C6orf132: variants seen among roughly 807,000 people sequenced by gnomAD.
The protein encoded by C6orf132 is chromosome 6 open reading frame 132.
Under a neutral mutation model 65.3 loss-of-function variants are expected in C6orf132, and 43 were observed. The ratio of observed to expected loss-of-function variants is 0.66; its 90% CI spans 0.52 to 0.85. C6orf132 has a LOEUF of 0.85. Ranked by LOEUF, C6orf132 falls within the 40% of genes least tolerant of loss-of-function variation. C6orf132 has a pLI of 0.00. For missense variants in C6orf132, 1,488 were observed against 1,548.8 expected (o/e 0.96, Z 0.66); for synonymous variants, 631 against 654.1 (o/e 0.96, Z 0.54).
Position 42,102,991 on chromosome 6 carries a change from A to C in C6orf132, c.*770T>G, listed in dbSNP as rs1766319471. On this transcript the variant is annotated 3_prime_UTR_variant, in exon 5 of 5. Coordinates refer to ENST00000341865, the MANE Select transcript of C6orf132 (RefSeq NM_001164446.3). ...CTGCACAGGTCTGAATAGCAAAGCC[A>C]GGCTTAACCTTGTTTCCCATCCTAA... 2.5e-6 allele frequency: 1 copy of C among 398,438 alleles called. No individual in the cohort carries two copies. Among genetic ancestry groups the C allele is most frequent in the South Asian group, 1.3e-4 (1 of 7,716 alleles). 24.7% of individuals were successfully genotyped at this position (398,438 alleles called of 1,614,324 possible).
Position 42,106,357 on chromosome 6 carries a change from G to T in C6orf132, c.1555C>A (p.Pro519Thr). The T allele has an allele frequency of 6.5e-7, 1 of 1,536,446 alleles. No individual in the cohort carries two copies. ...LPEKETLLSL[P>T]AKDTPPGVPE... ...ACACCTGGGGGAGTGTCCTTTGCTG[G>T]CAGGCTCAGGAGAGTCTCCTTCTCA... Residue 519 changes from proline to threonine, a missense_variant, in exon 4 of 5, where the codon CCA (proline) becomes ACA (threonine). Coordinates refer to ENST00000341865, the MANE Select transcript of C6orf132 (RefSeq NM_001164446.3).
intron 2 of C6orf132, among the ~76,000 whole-genome samples, chr6:42,119,339 A>C (rs1582276284): frequency 1.0e-5 from 1 of 95,924 alleles, no homozygotes; most frequent in Non-Finnish European, 2.0e-5. Flanking sequence ...CCAGCTTTCC[A>C]GCTTTTTTTT....
In C6orf132 at chr6:42,103,732, G is replaced by T; in HGVS notation, c.*29C>A. On this transcript the variant is annotated 3_prime_UTR_variant, in exon 5 of 5. Transcript: ENST00000341865. ...GCCCAGATCCTTAAAGACACAGTTT[G>T]TTGGAGTAGAGCTAAGAGAACCCCT... 1 of 1,295,618 alleles carries T rather than the reference G, an allele frequency of 7.7e-7. No homozygotes were observed. The highest frequency in any genetic ancestry group is 1.0e-6 in the Non-Finnish European group (1 of 1,002,870). The allele number at this position is 1,295,618 out of a possible 1,614,324, so 80.3% of individuals were successfully genotyped here.
At position 42,105,411 on chromosome 6, in the gene C6orf132, T is replaced by C. The variant is rs1766382406; in HGVS notation, c.2501A>G (p.Glu834Gly). ...GAGCAGGGCCATCGGCGAGCCCCGC[T>C]CCACCACCTCCCCAGTCACCGGGTG... ...LRHPVTGEVVERGSPMALLLA... is the reference protein window; with the variant it reads ...LRHPVTGEVVGRGSPMALLLA... The change falls in exon 4 of 5, where the codon GAG (glutamate) becomes GGG (glycine). Residue 834 changes from glutamate to glycine, a missense_variant. Glu to Gly is a moderately conservative substitution (Grantham distance 98). Transcript: ENST00000341865. 3 of 1,535,426 alleles carry C rather than the reference T, an allele frequency of 2.0e-6. No individual in the cohort carries two copies. The highest frequency in any genetic ancestry group is 2.6e-6 in the Non-Finnish European group (3 of 1,146,182).
intron 2 of C6orf132, among the ~76,000 whole-genome samples, chr6:42,121,462 T>C (rs1766682583): frequency 6.6e-6 from 1 of 152,234 alleles, no homozygotes; most frequent in South Asian, 2.1e-4. Flanking sequence ...TGGGGCCCAC[T>C]GCTCACCTGT....
Position 42,105,337 on chromosome 6 carries a change from G to C in C6orf132, c.2575C>G (p.Leu859Val). The change falls in exon 4 of 5, where the codon CTG becomes GTG. Residue 859 changes from leucine to valine, a missense_variant. Physicochemically the swap from Leu to Val is conservative, Grantham distance 32. Coordinates refer to ENST00000341865, the MANE Select transcript of C6orf132 (RefSeq NM_001164446.3). ...AQKGRSVGAA[L>V]GRSSLPGSLR... ...CTTCCTGGCAGAGAGGACCGACCCA[G>C]GGCAGCCCCTACAGACCTTCCCTTC... 6.5e-7 allele frequency: 1 copy of C among 1,536,950 alleles called. No homozygotes were observed. Among genetic ancestry groups the C allele is most frequent in the African/African-American group, 1.4e-5 (1 of 73,160 alleles).
chr6:42,107,413 G>A lies in C6orf132; in HGVS notation c.499C>T (p.Pro167Ser). Residue 167 changes from proline (P) to serine (S), a missense_variant, in exon 4 of 5, where the codon CCT becomes TCT. Coordinates refer to ENST00000341865, the MANE Select transcript of C6orf132 (RefSeq NM_001164446.3). ...PPGGSPLPSP[P>S]STAPPPPPLL... is the part of the protein sequence containing the mutation. ...GGAGGTGGTGGGGGTGCTGTGGAAG[G>A]TGGAGATGGCAGTGGCGACCCCCCT... is the stretch of plus-strand genomic sequence containing the variant. 1 of 1,495,956 alleles carries A rather than the reference G, an allele frequency of 6.7e-7. No individual in the cohort carries two copies. The highest frequency in any genetic ancestry group is 9.0e-7 in the Non-Finnish European group (1 of 1,112,302). The allele number at this position is 1,495,956 out of a possible 1,614,324, so 92.7% of individuals were successfully genotyped here.
chr6:42,107,388 G>A lies in C6orf132; in HGVS notation c.524C>T (p.Pro175Leu), dbSNP rs553334748. The A allele has an allele frequency of 3.1e-4, 326 of 1,058,504 alleles. 1 individual carries two copies. The African/African-American group carries it at 4.0e-3, about 13-fold the overall frequency. The allele number at this position is 1,058,504 out of a possible 1,614,324, so 65.6% of individuals were successfully genotyped here. Reference protein sequence around the residue: ...SPPSTAPPPPPLLLEPPPPPS... With the variant: ...SPPSTAPPPPLLLLEPPPPPS... Reference sequence around the variant, plus strand: ...CGGGGGTGGGGGTTCCAGCAGCAGGGGAGGTGGTGGGGGTGCTGTGGAAGG... The same window carrying A: ...CGGGGGTGGGGGTTCCAGCAGCAGGAGAGGTGGTGGGGGTGCTGTGGAAGG... The change falls in exon 4 of 5, where the codon CCC (proline) becomes CTC (leucine). Residue 175 changes from proline to leucine, a missense_variant. By Grantham distance (98) the Pro-to-Leu change is moderately conservative. Coordinates refer to ENST00000341865, the MANE Select transcript of C6orf132 (RefSeq NM_001164446.3).
At chr6:42,111,050 C>T (rs1246264146) in intron 2 of C6orf132, among the ~76,000 whole-genome samples, 2 of 152,150 alleles carry the variant, frequency 1.3e-5, no homozygotes, top group African/African-American at 4.8e-5. Flanking sequence ...AAGCCAAACT[C>T]CTCAGCCTGG....
At chr6:42,127,925 C>T (rs573341626) in intron 2 of C6orf132, among the ~76,000 whole-genome samples, 5 of 145,904 alleles carry the variant, frequency 3.4e-5, no homozygotes, top group South Asian at 2.2e-4. Context: ...TGCAATGACA[C>T]TCTTTTTTTT....
chr6:42,119,174 AG>A (rs1360271651), intron 2 of C6orf132, among the ~76,000 whole-genome samples: 1 of 137,628 alleles, frequency 7.3e-6, no homozygotes, highest in African/African-American at 2.7e-5. Context: ...ACTTGAACCC[AG>A]GGGGCAGAAG....
In C6orf132 at chr6:42,105,193, G is replaced by A. The variant is rs868289022; in HGVS notation, c.2719C>T (p.Pro907Ser). 2 of 1,537,188 alleles carry A rather than the reference G, an allele frequency of 1.3e-6. No individual in the cohort carries two copies. The highest frequency in any genetic ancestry group is 2.7e-5 in the African/African-American group (2 of 73,166). The change falls in exon 4 of 5, where the codon CCG (proline) becomes TCG (serine). Residue 907 changes from proline (P) to serine (S), a missense_variant. Physicochemically the swap from Pro to Ser is moderately conservative, Grantham distance 74 (BLOSUM62 -1). Transcript: ENST00000341865. ...KLPKEAEKDS[P>S]LTTEIPNKWG... ...TTATTGGGTATTTCGGTCGTCAGCGGGGAGTCCTTCTCAGCCTCCTTGGGT... is the reference window on the plus strand; with the variant it reads ...TTATTGGGTATTTCGGTCGTCAGCGAGGAGTCCTTCTCAGCCTCCTTGGGT...
At position 42,128,758 on chromosome 6, in the gene C6orf132, T is replaced by A; in HGVS notation, c.166A>T (p.Asn56Tyr). ...GACTCGCTCACTGTGTTAAACCGATTGTCTCCATAATAGATGCCATCTAGA... is the reference window on the plus strand; with the variant it reads ...GACTCGCTCACTGTGTTAAACCGATAGTCTCCATAATAGATGCCATCTAGA... ...GGFDGIYYGDNRFNTVSESGT... is the reference protein window; with the variant it reads ...GGFDGIYYGDYRFNTVSESGT... Residue 56 changes from asparagine (N) to tyrosine (Y), a missense_variant, in exon 2 of 5, where the codon AAT becomes TAT. By Grantham distance (143) the Asn-to-Tyr change is moderately radical. Transcript: ENST00000341865. The A allele has an allele frequency of 6.4e-7, 1 of 1,551,530 alleles. No homozygotes were observed.
chr6:42,124,241 G>A lies in C6orf132; in HGVS notation c.252+4431C>T, dbSNP rs145952250. On this transcript the variant is annotated intron_variant, in intron 2 of 4. Transcript: ENST00000341865. This position sits in a 1 kb window ranked among gnomAD's most constrained non-coding sequence, Gnocchi z 4.0. ...CCCATCCCAGCCACTGAGGGATCCCGAGGTCCTTTTCCTAGCTGGCCTTTG... is the reference window on the plus strand; with the variant it reads ...CCCATCCCAGCCACTGAGGGATCCCAAGGTCCTTTTCCTAGCTGGCCTTTG... 0.01 allele frequency among the ~76,000 whole-genome samples: 1,547 copies of A among 152,344 alleles called. 37 individuals are homozygous for A. The highest frequency in any genetic ancestry group is 0.036 in the African/African-American group (1,477 of 41,580).
At position 42,114,106 on chromosome 6, in the gene C6orf132, C is replaced by A. The variant is rs12211359; in HGVS notation, c.253-3815G>T. Among the ~76,000 whole-genome samples, 541 of 152,310 alleles carry A rather than the reference C, an allele frequency of 3.6e-3. 2 individuals carry two copies. The highest frequency in any genetic ancestry group is 6.8e-3 in the Middle Eastern group (2 of 294). Reference sequence around the variant, plus strand: ...TATAGGCCTAAGGTAATATTACTCACTATGCCCTTTGATCTTAAAGCACTT... The same window carrying A: ...TATAGGCCTAAGGTAATATTACTCAATATGCCCTTTGATCTTAAAGCACTT... On this transcript the variant is annotated intron_variant, in intron 2 of 4. Transcript: ENST00000341865.
chr6:42,120,795 G>A (rs143154088), intron 2 of C6orf132, among the ~76,000 whole-genome samples: 1,874 of 151,970 alleles, frequency 0.012, 39 homozygotes, highest in African/African-American at 0.043. Flanking sequence ...CTAATTTTTT[G>A]TATGTTTAGT....
intron 1 of C6orf132, 124 bp downstream of exon 1, chr6:42,142,176 C>T (rs1218259057): frequency 1.6e-5 from 18 of 1,143,704 alleles, no homozygotes; most frequent in Non-Finnish European, 1.9e-5. Context: ...CCGGCGGCTG[C>T]TCTCGGCCAG....
At chr6:42,121,810 T>C (rs904650508) in intron 2 of C6orf132, among the ~76,000 whole-genome samples, 1 of 152,138 alleles carries the variant, frequency 6.6e-6, no homozygotes, top group Non-Finnish European at 1.5e-5. Context: ...GAGGCAGGCA[T>C]GGTTGGGGGC....
At chr6:42,126,799 C>G in intron 2 of C6orf132, 5 of 414,480 alleles carry the variant, frequency 1.2e-5, no homozygotes, top group Non-Finnish European at 2.1e-5. Flanking sequence ...GCCGAGATCA[C>G]GCCATTGTAC....
Sources: gnomAD v4.1 joint callset for allele counts (sites outside exome capture counted in the v4.1 genomes callset) on GRCh38, gnomAD v4.1.1 for gene constraint, Gnocchi (gnomAD v3.1) non-coding constraint, MANE v1.5 for transcripts, NCBI Gene and HGNC (gene_info 2026-07-23, HGNC 2026-07-21) for gene names.